Variants in NAALADL2 observed in about 807,000 individuals in gnomAD.
NAALADL2 encodes inactive N-acetylated-alpha-linked acidic dipeptidase-like protein 2.
In NAALADL2, 76 loss-of-function variants were observed where a neutral mutation model predicts 87.2. The ratio of observed to expected loss-of-function variants is 0.87; its 90% CI spans 0.72 to 1.05. The LOEUF is 1.05. NAALADL2 is among the 50% of genes least tolerant of loss of function. The pLI, the probability that NAALADL2 is intolerant of heterozygous loss-of-function variation, is 0.00. For missense variants in NAALADL2, 1,089 were observed against 945.8 expected, an observed-to-expected ratio of 1.15 and a Z score of -1.99; for synonymous variants, 354 against 331.0, an observed-to-expected ratio of 1.07 and a Z score of -0.75.
At chr3:174,783,335 A>T (rs1716223029) in intron 3 of NAALADL2, among the ~76,000 whole-genome samples, 1 of 151,998 alleles carries the variant, frequency 6.6e-6, no homozygotes, top group African/African-American at 2.4e-5. Flanking sequence ...TCTTTTTTGA[A>T]TTTCTGTTAC....
intron 13 of NAALADL2, among the ~76,000 whole-genome samples, chr3:175,769,499 C>A (rs956283026): frequency 6.6e-6 from 1 of 152,136 alleles, no homozygotes; most frequent in Non-Finnish European, 1.5e-5. Context: ...CCTTTAATAT[C>A]TCATTATAGG....
intron 2 of NAALADL2, among the ~76,000 whole-genome samples, chr3:174,563,606 T>G (rs951183742): frequency 3.9e-5 from 6 of 151,928 alleles, no homozygotes; most frequent in African/African-American, 1.5e-4. Flanking sequence ...ATTTGTAGTA[T>G]TCTTATTATT....
At chr3:175,146,137 C>T (rs1730721763) in intron 2 of NAALADL2, among the ~76,000 whole-genome samples, 1 of 151,940 alleles carries the variant, frequency 6.6e-6, no homozygotes, top group Non-Finnish European at 1.5e-5. Context: ...CCCTATTGGC[C>T]TATTATTGTA....
intron 4 of NAALADL2, among the ~76,000 whole-genome samples, chr3:175,272,709 G>T (rs1023485527): frequency 6.6e-6 from 1 of 152,010 alleles, no homozygotes; most frequent in African/African-American, 2.4e-5. Flanking sequence ...AATTTGAAAA[G>T]ATTTGAAAAT....
At position 175,302,670 on chromosome 3, in the gene NAALADL2, A is replaced by G. The variant is rs182343506; in HGVS notation, c.940-21505A>G. ...CTAAAATAATAATGTATGTTAGAAAATACTATTTTCTAGTATAGTACAGTA... is the reference window on the plus strand; with the variant it reads ...CTAAAATAATAATGTATGTTAGAAAGTACTATTTTCTAGTATAGTACAGTA... On this transcript the variant is annotated intron_variant, in intron 4 of 13. Coordinates refer to ENST00000454872, the MANE Select transcript of NAALADL2 (RefSeq NM_207015.3). Among the ~76,000 whole-genome samples the G allele has an allele frequency of 3.0e-4, 46 of 152,238 alleles. No homozygotes were observed. In the East Asian group the frequency reaches 6.8e-3, roughly 22 times the overall value.
At position 174,932,826 on chromosome 3, in the gene NAALADL2, T is replaced by C. The variant is rs530501169; in HGVS notation, c.43+73376T>C. 1.8e-4 allele frequency among the ~76,000 whole-genome samples: 28 copies of C among 152,226 alleles called. No homozygotes were observed. In the South Asian group the frequency reaches 5.8e-3, roughly 32 times the overall value. On this transcript the variant is annotated intron_variant, in intron 1 of 13. Coordinates refer to ENST00000454872, the MANE Select transcript of NAALADL2 (RefSeq NM_207015.3). ...TATTGAGAAAGCATTGCTTAAAAAG[T>C]TGTAATAGAGTCTGGGCACGGTGGC...
chr3:174,648,548 C>A (rs1428269821), intron 2 of NAALADL2, among the ~76,000 whole-genome samples: 3 of 151,970 alleles, frequency 2.0e-5, no homozygotes, highest in East Asian at 3.9e-4. Flanking sequence ...ATATAGACAA[C>A]CCTAAAAAGA....
At chr3:175,683,631 G>A (rs1007031029) in intron 11 of NAALADL2, among the ~76,000 whole-genome samples, 2 of 151,916 alleles carry the variant, frequency 1.3e-5, no homozygotes, top group Non-Finnish European at 2.9e-5. Flanking sequence ...AAAGCATTCA[G>A]CTCCTTGCCT....
At chr3:175,440,442 G>A (rs184543765) in intron 5 of NAALADL2, among the ~76,000 whole-genome samples, 3 of 151,876 alleles carry the variant, frequency 2.0e-5, no homozygotes, top group African/African-American at 4.8e-5. Context: ...TATTTTGATC[G>A]AAATTACATT....
chr3:174,796,840 T>G (rs1053656187), intron 3 of NAALADL2, among the ~76,000 whole-genome samples: 3 of 151,950 alleles, frequency 2.0e-5, no homozygotes, highest in Non-Finnish European at 2.9e-5. Context: ...ATTTGCCTTT[T>G]TTGTTGTTGT....
chr3:175,227,451 TA>T (rs901802896), intron 2 of NAALADL2, among the ~76,000 whole-genome samples: 3 of 152,006 alleles, frequency 2.0e-5, no homozygotes, highest in African/African-American at 7.2e-5. Flanking sequence ...TTTTAAAAAG[TA>T]AAGCACAGTA....
intron 2 of NAALADL2, among the ~76,000 whole-genome samples, chr3:174,699,806 G>C (rs1422216666): frequency 6.9e-6 from 1 of 144,874 alleles, no homozygotes; most frequent in Non-Finnish European, 1.5e-5. Context: ...ATTTTAATCT[G>C]TGGAACATTT....
chr3:175,187,119 G>T (rs1313220521), intron 2 of NAALADL2, among the ~76,000 whole-genome samples: 1 of 152,120 alleles, frequency 6.6e-6, no homozygotes, highest in East Asian at 1.9e-4. Context: ...CCCTCATCTA[G>T]GGGAGGGATT....
rs563113855 is a variant in NAALADL2 at position 174,627,564 on chromosome 3, C to G, written c.-115+76927C>G. Among the ~76,000 whole-genome samples, 3 of 152,264 alleles carry G rather than the reference C, an allele frequency of 2.0e-5. No homozygotes were observed. The South Asian group carries it at 6.2e-4, about 32-fold the overall frequency. On this transcript the variant is annotated intron_variant, in intron 2 of 3. Transcript: ENST00000434257. ...ACTAAAAATAGAACTAAACTTTGAT[C>G]CAGCAATCCCACTACTGCATGTTGT...
At chr3:174,857,737 C>T (rs568725593), upstream of NAALADL2, among the ~76,000 whole-genome samples, 145 of 152,114 alleles carry the variant, frequency 9.5e-4, no homozygotes, top group Middle Eastern at 3.4e-3. Flanking sequence ...TGGAGCAAAC[C>T]ACAACCCAGA....
intron 4 of NAALADL2, among the ~76,000 whole-genome samples, chr3:175,304,374 T>G (rs1237702427): frequency 6.6e-6 from 1 of 152,210 alleles, no homozygotes; most frequent in Non-Finnish European, 1.5e-5. Context: ...TACAGCTATG[T>G]ATGTATGTCC....
chr3:175,106,306 T>G (rs1259660920), intron 2 of NAALADL2, among the ~76,000 whole-genome samples: 2 of 152,092 alleles, frequency 1.3e-5, no homozygotes, highest in Non-Finnish European at 2.9e-5. Flanking sequence ...CGGGATCTAT[T>G]TTACATAATT....
intron 1 of NAALADL2, among the ~76,000 whole-genome samples, chr3:174,501,264 G>C: frequency 6.8e-5 from 10 of 146,602 alleles, no homozygotes; most frequent in African/African-American, 2.7e-4. Flanking sequence ...ATTTTTAGTA[G>C]AGACGGGGTT....
At chr3:175,726,482 G>A (rs1261719362) in intron 11 of NAALADL2, among the ~76,000 whole-genome samples, 1 of 152,080 alleles carries the variant, frequency 6.6e-6, no homozygotes, top group Non-Finnish European at 1.5e-5. Context: ...TCAATACACT[G>A]CTCCCTTGCC....
Sources: allele counts gnomAD v4.1 joint callset (sites outside exome capture counted in the v4.1 genomes callset), GRCh38; gene constraint gnomAD v4.1.1; transcripts MANE v1.5; gene names NCBI Gene and HGNC (gene_info 2026-07-23, HGNC 2026-07-21).